ERBB4: variants seen among roughly 807,000 people sequenced by gnomAD.
ERBB4 encodes the protein erb-b2 receptor tyrosine kinase 4.
A neutral mutation model predicts 158.0 loss-of-function variants in ERBB4; 42 were observed. That is an observed-to-expected ratio of 0.27 (90% CI 0.21 to 0.34). The LOEUF (loss-of-function observed/expected upper bound fraction) is 0.34. Ranked by LOEUF, ERBB4 falls within the 10% of genes least tolerant of loss-of-function variation. The pLI, the probability that ERBB4 is intolerant of heterozygous loss-of-function variation, is 1.00. For missense variants in ERBB4, 1,333 were observed against 1,624.1 expected (o/e 0.82, Z 3.08); for synonymous variants, 583 against 558.7 (o/e 1.04, Z -0.61).
intron 2 of ERBB4, among the ~76,000 whole-genome samples, chr2:211,949,321 A>T (rs964059585): frequency 1.3e-5 from 2 of 152,174 alleles, no homozygotes; most frequent in Non-Finnish European, 2.9e-5. Context: ...CACTCAGAGT[A>T]ACAGACAAAA....
At chr2:211,576,220 T>A (rs894940722) in intron 19 of ERBB4, among the ~76,000 whole-genome samples, 1 of 152,182 alleles carries the variant, frequency 6.6e-6, no homozygotes, top group Admixed American at 6.6e-5. Flanking sequence ...AGTGCCTTTG[T>A]TTCAGGGGGC....
chr2:212,049,027 C>T (rs1354212165), intron 2 of ERBB4, among the ~76,000 whole-genome samples: 4 of 152,234 alleles, frequency 2.6e-5, no homozygotes, highest in African/African-American at 9.6e-5. Flanking sequence ...AAGCAAAGGA[C>T]CCAGCTAAAG....
rs1010474807 is a variant in ERBB4 at position 211,378,896 on chromosome 2, T to A, written c.*4719A>T. 1 of 231,870 alleles carries A rather than the reference T, an allele frequency of 4.3e-6. No homozygotes were observed. Among genetic ancestry groups the A allele is most frequent in the Non-Finnish European group, 8.5e-6 (1 of 117,314 alleles). 14.4% of individuals were successfully genotyped at this position (231,870 alleles called of 1,614,324 possible). On this transcript the variant is annotated 3_prime_UTR_variant, in exon 28 of 28. Transcript: ENST00000342788. ...GTTAATTTATCTGTTTCTTTTTTTTTTTTTAACAACTAGAAGCTGATGTTG... is the reference window on the plus strand; with the variant it reads ...GTTAATTTATCTGTTTCTTTTTTTTATTTTAACAACTAGAAGCTGATGTTG...
At chr2:212,465,890 A>G (rs966348293) in intron 1 of ERBB4, among the ~76,000 whole-genome samples, 2 of 152,210 alleles carry the variant, frequency 1.3e-5, no homozygotes, top group African/African-American at 4.8e-5. Flanking sequence ...TAGAAGAAAT[A>G]CTTGAAGTTC....
intron 24 of ERBB4, among the ~76,000 whole-genome samples, chr2:211,420,844 T>TAGAGA (rs2063499366): frequency 6.6e-6 from 1 of 151,962 alleles, no homozygotes; most frequent in Non-Finnish European, 1.5e-5. Context: ...TAAATGCCAT[T>TAGAGA]AGAGAATAAT....
chr2:211,595,095 T>G (rs530772268), intron 19 of ERBB4, among the ~76,000 whole-genome samples: 35 of 152,302 alleles, frequency 2.3e-4, no homozygotes, highest in Non-Finnish European at 3.7e-4. Context: ...ATAAATTTGT[T>G]TGAGAATAAG....
intron 1 of ERBB4, among the ~76,000 whole-genome samples, chr2:212,407,769 GTCT>G (rs1014794069): frequency 6.6e-6 from 1 of 151,946 alleles, no homozygotes; most frequent in Non-Finnish European, 1.5e-5. Context: ...CCTAGAAATT[GTCT>G]TCTTTTCCAC....
At position 212,213,397 on chromosome 2, in the gene ERBB4, T is replaced by C. The variant is rs112893712; in HGVS notation, c.83-88494A>G. 4.8e-3 allele frequency among the ~76,000 whole-genome samples: 730 copies of C among 152,070 alleles called. 7 individuals carry two copies. Among genetic ancestry groups the C allele is most frequent in the Middle Eastern group, 0.017 (5 of 294 alleles). On this transcript the variant is annotated intron_variant, in intron 1 of 27. Transcript: ENST00000342788. ...GTTTCTATATATGAGGGTTTAGTGGTAAACTATTGTCTTAGAAATGAGTAG... is the reference window on the plus strand; with the variant it reads ...GTTTCTATATATGAGGGTTTAGTGGCAAACTATTGTCTTAGAAATGAGTAG...
chr2:211,394,625 T>C (rs777335805), intron 25 of ERBB4, among the ~76,000 whole-genome samples: 3 of 152,132 alleles, frequency 2.0e-5, no homozygotes, highest in Non-Finnish European at 4.4e-5. Context: ...TCTAATGCAA[T>C]GTCTTTAAGA....
intron 1 of ERBB4, among the ~76,000 whole-genome samples, chr2:212,207,150 T>G (rs1231240567): frequency 6.6e-6 from 1 of 152,160 alleles, no homozygotes; most frequent in East Asian, 1.9e-4. Context: ...ATTTTGTTTT[T>G]GTTCAAAGTA....
chr2:211,413,411 TAAG>T (rs1171569426), intron 25 of ERBB4, among the ~76,000 whole-genome samples: 5 of 150,752 alleles, frequency 3.3e-5, no homozygotes, highest in Admixed American at 6.6e-5. Context: ...GGGAGGATCT[TAAG>T]AAGAAGAGCC....
intron 1 of ERBB4, among the ~76,000 whole-genome samples, chr2:212,369,382 C>T (rs554728449): frequency 1.6e-4 from 24 of 152,160 alleles, no homozygotes; most frequent in African/African-American, 5.3e-4. Context: ...TTTCTAATCT[C>T]TGCTGTCAAA....
intron 4 of ERBB4, among the ~76,000 whole-genome samples, chr2:211,768,204 T>C (rs926649965): frequency 5.9e-5 from 9 of 152,178 alleles, no homozygotes; most frequent in African/African-American, 1.4e-4. Context: ...CCAGGTCACG[T>C]TGATGCAAGA....
At position 211,639,537 on chromosome 2, in the gene ERBB4, C is replaced by T. The variant is rs528856699; in HGVS notation, c.1947-8943G>A. Among the ~76,000 whole-genome samples the T allele has an allele frequency of 1.2e-3, 187 of 152,272 alleles. 1 individual carries two copies. Among genetic ancestry groups the T allele is most frequent in the African/African-American group, 4.2e-3 (174 of 41,562 alleles). On this transcript the variant is annotated intron_variant, in intron 16 of 27. Coordinates refer to ENST00000342788, the MANE Select transcript of ERBB4 (RefSeq NM_005235.3). ...GTTCCCATATTTAAAAAGTTTTCTT[C>T]GCCTTAAAATCTCCATTCATTCTAT...
At chr2:212,266,515 C>T (rs951431258) in intron 1 of ERBB4, among the ~76,000 whole-genome samples, 1 of 151,878 alleles carries the variant, frequency 6.6e-6, no homozygotes, top group African/African-American at 2.4e-5. Flanking sequence ...AATCTCAAGG[C>T]AGTTACCTCC....
intron 1 of ERBB4, among the ~76,000 whole-genome samples, chr2:212,405,904 A>G (rs1486537121): frequency 1.3e-5 from 2 of 152,008 alleles, no homozygotes; most frequent in African/African-American, 2.4e-5. Flanking sequence ...GAACTTCTAC[A>G]CTCTCGCTGC....
At chr2:211,871,776 G>T (rs1257364352) in intron 3 of ERBB4, among the ~76,000 whole-genome samples, 1 of 152,120 alleles carries the variant, frequency 6.6e-6, no homozygotes, top group Non-Finnish European at 1.5e-5. Context: ...ATCTAAAGAA[G>T]TTACATTACA....
chr2:211,607,901 A>T (rs1369562763), intron 19 of ERBB4, among the ~76,000 whole-genome samples: 1 of 117,776 alleles, frequency 8.5e-6, no homozygotes, highest in African/African-American at 3.3e-5. Flanking sequence ...ACAGGGTCTC[A>T]CTCTGTCTCC....
chr2:212,175,183 T>A (rs1324860678), intron 1 of ERBB4, among the ~76,000 whole-genome samples: 3 of 152,052 alleles, frequency 2.0e-5, no homozygotes, highest in African/African-American at 7.2e-5. Flanking sequence ...AGAAACAAGG[T>A]CCTTTCACGT....
Sources: gnomAD v4.1 joint callset for allele counts (sites outside exome capture counted in the v4.1 genomes callset) on GRCh38, gnomAD v4.1.1 for gene constraint, MANE v1.5 for transcripts, NCBI Gene and HGNC (gene_info 2026-07-23, HGNC 2026-07-21) for gene names.